Variants in MITF observed in about 807,000 individuals in gnomAD.
MITF encodes the protein microphthalmia-associated transcription factor.
MITF carries 17 observed loss-of-function variants against 60.5 expected under a neutral mutation model. The observed-to-expected ratio is 0.28, with a 90% CI of 0.19 to 0.42. The LOEUF is 0.42. Ranked by LOEUF, MITF falls within the 10% of genes least tolerant of loss-of-function variation. The pLI, the probability that MITF is intolerant of heterozygous loss-of-function variation, is 1.00. For missense variants in MITF, 622 were observed against 683.5 expected (o/e 0.91, Z 1.00); for synonymous variants, 260 against 248.5 (o/e 1.05, Z -0.43).
chr3:69,888,387 C>T (rs1001203836), intron 2 of MITF, among the ~76,000 whole-genome samples: 15 of 151,570 alleles, frequency 9.9e-5, no homozygotes, highest in African/African-American at 3.4e-4. Context: ...TTAATAAGTA[C>T]CAGGCAAAGA....
intron 1 of MITF, among the ~76,000 whole-genome samples, chr3:69,757,061 T>C (rs1461239706): frequency 6.6e-6 from 1 of 151,952 alleles, no homozygotes; most frequent in Admixed American, 6.6e-5. Flanking sequence ...ATTGCAAAAA[T>C]TTTCTCCCAT....
chr3:69,870,960 G>A lies in MITF; in HGVS notation c.105-8174G>A, dbSNP rs529063546. ...TTTTTTAAATGTTACAAAACCAGCTGTAGTATCCCAGGGTACATCAAACTG... is the reference window on the plus strand; with the variant it reads ...TTTTTTAAATGTTACAAAACCAGCTATAGTATCCCAGGGTACATCAAACTG... On this transcript the variant is annotated intron_variant, in intron 1 of 9. Coordinates refer to ENST00000352241, the MANE Select transcript of MITF (RefSeq NM_001354604.2). Among the ~76,000 whole-genome samples the A allele has an allele frequency of 6.6e-5, 10 of 152,292 alleles. No individual in the cohort carries two copies. In the East Asian group the frequency reaches 1.7e-3, roughly 26 times the overall value.
At position 69,965,445 on chromosome 3, in the gene MITF, A is replaced by G; in HGVS notation, c.*197A>G. 1 of 569,222 alleles carries G rather than the reference A, an allele frequency of 1.8e-6. No homozygotes were observed. The highest frequency in any genetic ancestry group is 3.1e-5 in the Admixed American group (1 of 32,176). 35.3% of individuals were successfully genotyped at this position (569,222 alleles called of 1,614,324 possible). The stretch of plus-strand genomic sequence containing the variant: ...TGTATATTCTATTTTACAACTACAA[A>G]TGCCTCCAAAGTATTGTACAAATAA... On this transcript the variant is annotated 3_prime_UTR_variant, in exon 10 of 10. Coordinates refer to ENST00000352241, the MANE Select transcript of MITF (RefSeq NM_001354604.2).
chr3:69,802,088 A>G (rs1211555807), intron 1 of MITF, among the ~76,000 whole-genome samples: 1 of 152,212 alleles, frequency 6.6e-6, no homozygotes, highest in Non-Finnish European at 1.5e-5. Context: ...ACAAGGCTTA[A>G]GTAACCAAGA....
At chr3:69,772,434 C>T (rs939553744) in intron 1 of MITF, among the ~76,000 whole-genome samples, 1 of 152,162 alleles carries the variant, frequency 6.6e-6, no homozygotes, top group African/African-American at 2.4e-5. Flanking sequence ...GATGTCCAAT[C>T]TAAGCAAACC....
intron 2 of MITF, among the ~76,000 whole-genome samples, chr3:69,896,450 G>A (rs192915651): frequency 4.6e-5 from 7 of 152,248 alleles, no homozygotes; most frequent in Middle Eastern, 3.4e-3. Flanking sequence ...CTTGTTATCC[G>A]TGGTCTACCT....
rs59007838 is a variant in MITF at position 69,852,255 on chromosome 3, G to T, written c.105-26879G>T. On this transcript the variant is annotated intron_variant, in intron 1 of 9. Transcript: ENST00000352241. ...ACACATCTTACATGCACTGCCTGAG[G>T]AATTTTCACCAGATAGCTAGCACCC... Among the ~76,000 whole-genome samples the T allele has an allele frequency of 3.0e-4, 46 of 152,250 alleles. No homozygotes were observed. The East Asian group carries it at 8.7e-3, about 29-fold the overall frequency.
intron 2 of MITF, 127 bp downstream of exon 2, chr3:69,879,510 C>G: frequency 6.7e-7 from 1 of 1,488,094 alleles, no homozygotes; most frequent in Non-Finnish European, 9.1e-7. Context: ...AAAACTCCAA[C>G]TCCCTTAATT....
At chr3:69,861,572 G>T (rs2064017487) in intron 1 of MITF, among the ~76,000 whole-genome samples, 1 of 152,208 alleles carries the variant, frequency 6.6e-6, no homozygotes, top group Non-Finnish European at 1.5e-5. Context: ...TTGCAGAGGA[G>T]AGAGAAGAGG....
intron 2 of MITF, among the ~76,000 whole-genome samples, chr3:69,924,708 T>A (rs1482374554): frequency 6.6e-6 from 1 of 152,126 alleles, no homozygotes; most frequent in Admixed American, 6.5e-5. Context: ...CCCAGAAAAA[T>A]GTACAGTCAA....
intron 2 of MITF, among the ~76,000 whole-genome samples, chr3:69,920,253 G>A (rs2435596): frequency 6.6e-6 from 1 of 152,178 alleles, no homozygotes; most frequent in Non-Finnish European, 1.5e-5. Flanking sequence ...CCGTGGTCTA[G>A]CGGTAGCGGA....
At chr3:69,933,335 G>T (rs2065763648) in intron 2 of MITF, among the ~76,000 whole-genome samples, 1 of 152,116 alleles carries the variant, frequency 6.6e-6, no homozygotes, top group African/African-American at 2.4e-5. Context: ...AGTAAATTCT[G>T]TTGTCAGCCA....
At chr3:69,807,873 G>A (rs1222680271) in intron 1 of MITF, among the ~76,000 whole-genome samples, 1 of 152,122 alleles carries the variant, frequency 6.6e-6, no homozygotes, top group African/African-American at 2.4e-5. Context: ...ACTGTTAAGA[G>A]CTGGTTGTAT....
At chr3:69,896,638 A>G (rs2064882152) in intron 2 of MITF, among the ~76,000 whole-genome samples, 1 of 152,126 alleles carries the variant, frequency 6.6e-6, no homozygotes, top group Non-Finnish European at 1.5e-5. Context: ...CTTTTTTCTT[A>G]ATATGCCCTG....
intron 1 of MITF, among the ~76,000 whole-genome samples, chr3:69,789,245 A>G (rs1440487536): frequency 2.0e-5 from 3 of 152,240 alleles, no homozygotes; most frequent in Admixed American, 6.5e-5. Context: ...ATATCTAATA[A>G]TTGGTTAATA....
chr3:69,771,249 G>GTTT (rs5849920), intron 1 of MITF, among the ~76,000 whole-genome samples: 39 of 147,088 alleles, frequency 2.7e-4, no homozygotes, highest in Non-Finnish European at 2.1e-4. Flanking sequence ...TTAAACATGG[G>GTTT]TTTTTTTTTT....
chr3:69,848,888 G>C (rs2063775767), intron 1 of MITF, among the ~76,000 whole-genome samples: 1 of 151,268 alleles, frequency 6.6e-6, no homozygotes, highest in Non-Finnish European at 1.5e-5. Flanking sequence ...ATTATATGGT[G>C]TGAGTATACA....
At chr3:69,953,684 G>GAGAC (rs1553704445) in intron 7 of MITF, among the ~76,000 whole-genome samples, 5,035 of 143,718 alleles carry the variant, frequency 0.035, 104 homozygotes, top group South Asian at 0.065. Flanking sequence ...GAGAGAGAGA[G>GAGAC]AGAGACAGAG....
intron 1 of MITF, among the ~76,000 whole-genome samples, chr3:69,823,939 A>C (rs977366112): frequency 2.0e-5 from 3 of 152,188 alleles, no homozygotes; most frequent in Non-Finnish European, 4.4e-5. Flanking sequence ...GCCACGACTC[A>C]CACATTCCAA....
Sources: allele counts gnomAD v4.1 joint callset (sites outside exome capture counted in the v4.1 genomes callset), GRCh38; gene constraint gnomAD v4.1.1; transcripts MANE v1.5; gene names NCBI Gene and HGNC (gene_info 2026-07-23, HGNC 2026-07-21).